The following DDX10 variants were observed in gnomAD, a reference collection of about 807,000 sequenced individuals.
DDX10 encodes the protein probable ATP-dependent RNA helicase DDX10.
DDX10 carries 74 observed loss-of-function variants against 104.3 expected under a neutral mutation model. The observed-to-expected ratio is 0.71, with a 90% confidence interval of 0.59 to 0.86. The LOEUF (loss-of-function observed/expected upper bound fraction) is 0.86, where lower values mean the gene tolerates loss of function less well. Among genes scored for constraint, DDX10 ranks in the 40% least tolerant of loss-of-function variants. The pLI is 0.00. For synonymous variants in DDX10, 351 were observed against 353.4 expected (o/e 0.99, Z 0.08); for missense variants, 952 against 1,040.0 (o/e 0.92, Z 1.16).
chr11:108,886,733 T>C (rs1037543203), intron 16 of DDX10, among the ~76,000 whole-genome samples: 34 of 152,216 alleles, frequency 2.2e-4, no homozygotes, highest in African/African-American at 4.8e-5. Flanking sequence ...ACAAGCATTT[T>C]TCAGTTATTT....
intron 13 of DDX10, among the ~76,000 whole-genome samples, chr11:108,807,588 G>A (rs1416406680): frequency 2.0e-5 from 3 of 152,194 alleles, no homozygotes; most frequent in Non-Finnish European, 4.4e-5. Context: ...AATGAAAGTA[G>A]CAGACTGTGG....
chr11:108,887,965 C>CCG (rs386374848), intron 16 of DDX10, among the ~76,000 whole-genome samples: 9 of 151,158 alleles, frequency 6.0e-5, no homozygotes, highest in Non-Finnish European at 1.2e-4. Context: ...TTTTTCCCCC[C>CCG]CACTTTCTAG....
intron 17 of DDX10, among the ~76,000 whole-genome samples, chr11:108,939,250 A>G (rs1401461469): frequency 2.0e-5 from 3 of 152,164 alleles, no homozygotes; most frequent in African/African-American, 7.2e-5. Flanking sequence ...AGTCAACTCT[A>G]ATTGCTTTCA....
At chr11:108,747,413 C>T (rs1218834461) in intron 13 of DDX10, among the ~76,000 whole-genome samples, 2 of 152,068 alleles carry the variant, frequency 1.3e-5, no homozygotes, top group South Asian at 2.1e-4. Flanking sequence ...TAATGAGGTC[C>T]ACTTTTAGCA....
At chr11:108,859,665 T>C (rs1862915142) in intron 16 of DDX10, among the ~76,000 whole-genome samples, 1 of 152,184 alleles carries the variant, frequency 6.6e-6, no homozygotes, top group South Asian at 2.1e-4. Flanking sequence ...ATTTATATGC[T>C]TGAGTTAGGG....
intron 13 of DDX10, among the ~76,000 whole-genome samples, chr11:108,813,810 G>C (rs1280198211): frequency 6.6e-6 from 1 of 152,040 alleles, no homozygotes; most frequent in Admixed American, 6.5e-5. Flanking sequence ...TTCCAATATT[G>C]CTCATTAGTC....
intron 17 of DDX10, chr11:108,920,856 C>T (rs1863816279): frequency 6.6e-6 from 1 of 152,258 alleles, no homozygotes; most frequent in Admixed American, 6.5e-5. Flanking sequence ...CTACCACTAG[C>T]ATTTGGGACA....
At chr11:108,677,861 G>C (rs555130963) in intron 4 of DDX10, among the ~76,000 whole-genome samples, 1 of 151,578 alleles carries the variant, frequency 6.6e-6, no homozygotes, top group Non-Finnish European at 1.5e-5. Context: ...TTTTCCCACC[G>C]CCTCCAGGAC....
At chr11:108,911,732 C>G (rs947261551) in intron 16 of DDX10, among the ~76,000 whole-genome samples, 31 of 152,078 alleles carry the variant, frequency 2.0e-4, no homozygotes, top group African/African-American at 7.0e-4. Context: ...CCATGCCTGG[C>G]TAATTTTTTT....
At chr11:108,752,951 G>A (rs1411535913) in intron 13 of DDX10, among the ~76,000 whole-genome samples, 2 of 152,056 alleles carry the variant, frequency 1.3e-5, no homozygotes, top group Admixed American at 1.3e-4. Flanking sequence ...CTCCTTTGGA[G>A]CCTGACATGT....
intron 13 of DDX10, among the ~76,000 whole-genome samples, chr11:108,746,438 T>C (rs1276836916): frequency 6.6e-6 from 1 of 152,150 alleles, no homozygotes; most frequent in Non-Finnish European, 1.5e-5. Flanking sequence ...GTTTATCCAT[T>C]CATCAGTTAA....
chr11:108,861,944 T>C (rs924197210), intron 16 of DDX10, among the ~76,000 whole-genome samples: 3 of 152,112 alleles, frequency 2.0e-5, no homozygotes, highest in African/African-American at 4.8e-5. Flanking sequence ...GGAGAATTGC[T>C]TGAACTCGGG....
At chr11:108,750,468 TTTCCCTTTTGTACAGAAG>T (rs754184794) in intron 13 of DDX10, among the ~76,000 whole-genome samples, 6 of 152,260 alleles carry the variant, frequency 3.9e-5, no homozygotes, top group Admixed American at 2.6e-4. Context: ...TGTAAATCAA[TTTCCCTTTTGTACAGAAG>T]TTCCCCCAAC....
At chr11:108,845,589 A>G (rs1465009776) in intron 15 of DDX10, among the ~76,000 whole-genome samples, 1 of 152,206 alleles carries the variant, frequency 6.6e-6, no homozygotes, top group East Asian at 1.9e-4. Flanking sequence ...TACTTCAGGA[A>G]GACAGAAAAA....
intron 10 of DDX10, among the ~76,000 whole-genome samples, chr11:108,710,294 C>T (rs1480186010): frequency 1.3e-5 from 2 of 152,084 alleles, no homozygotes; most frequent in Admixed American, 6.6e-5. Flanking sequence ...CCTTAGCTTG[C>T]TGTAACTTTT....
At chr11:108,817,393 A>G (rs58425912) in intron 13 of DDX10, among the ~76,000 whole-genome samples, 4,845 of 152,236 alleles carry the variant, frequency 0.032, 273 homozygotes, top group African/African-American at 0.11. Context: ...TTCTCCACCT[A>G]TAACTCTTTA....
In DDX10 at chr11:108,812,501, C is replaced by A. The variant is rs967398009; in HGVS notation, c.1966-25945C>A. On this transcript the variant is annotated intron_variant, in intron 13 of 17. Coordinates refer to ENST00000322536, the MANE Select transcript of DDX10 (RefSeq NM_004398.4). ...ATTAGATATGTCACCTCTCTGCCTG[C>A]ACTAATTTATAAATATATTTAAGCT... is the stretch of plus-strand genomic sequence containing the variant. Among the ~76,000 whole-genome samples, 10 of 152,102 alleles carry A rather than the reference C, an allele frequency of 6.6e-5. No homozygotes were observed. The East Asian group carries it at 7.7e-4, about 12-fold the overall frequency.
intron 16 of DDX10, among the ~76,000 whole-genome samples, chr11:108,904,799 A>G (rs1429116079): frequency 6.6e-6 from 1 of 152,056 alleles, no homozygotes; most frequent in Non-Finnish European, 1.5e-5. Flanking sequence ...AGAGAGATAT[A>G]TGAGCCTACT....
intron 13 of DDX10, among the ~76,000 whole-genome samples, chr11:108,784,825 G>T (rs1032894943): frequency 1.3e-5 from 2 of 152,096 alleles, no homozygotes; most frequent in African/African-American, 4.8e-5. Context: ...ATAGTTTGAG[G>T]TCTTACATTT....
Sources: allele counts gnomAD v4.1 joint callset (sites outside exome capture counted in the v4.1 genomes callset), GRCh38; gene constraint gnomAD v4.1.1; transcripts MANE v1.5; gene names NCBI Gene and HGNC (gene_info 2026-07-23, HGNC 2026-07-21).